The following ASIC2 variants were observed in gnomAD, a reference collection of about 807,000 sequenced individuals.
ASIC2 encodes acid-sensing ion channel 2.
A neutral mutation model predicts 57.3 loss-of-function variants in ASIC2; 25 were observed. The ratio of observed to expected loss-of-function variants is 0.44; its 90% CI spans 0.32 to 0.61. ASIC2 has a LOEUF of 0.61. ASIC2 is among the 20% of genes least tolerant of loss of function. ASIC2 has a pLI of 0.06. For synonymous variants in ASIC2, 319 were observed against 307.5 expected, an observed-to-expected ratio of 1.04 and a Z score of -0.39; for missense variants, 641 against 738.1, an observed-to-expected ratio of 0.87 and a Z score of 1.52.
intron 1 of ASIC2, among the ~76,000 whole-genome samples, chr17:33,234,547 T>C (rs1417858770): frequency 6.6e-6 from 1 of 152,226 alleles, no homozygotes; most frequent in Non-Finnish European, 1.5e-5. Flanking sequence ...ATGCTAATTG[T>C]CTTGCAGTTC....
At chr17:33,997,095 G>A (rs1195425267) in intron 1 of ASIC2, among the ~76,000 whole-genome samples, 1 of 151,760 alleles carries the variant, frequency 6.6e-6, no homozygotes, top group African/African-American at 2.4e-5. Context: ...CTAAGTATTT[G>A]TTATGCTATT....
intron 1 of ASIC2, among the ~76,000 whole-genome samples, chr17:33,965,992 A>T (rs1365111914): frequency 2.0e-5 from 3 of 152,238 alleles, no homozygotes; most frequent in African/African-American, 7.2e-5. Flanking sequence ...TGCTGGAAAG[A>T]TGCCAGCCTG....
chr17:33,952,149 A>G (rs1243139479), intron 1 of ASIC2, among the ~76,000 whole-genome samples: 1 of 152,228 alleles, frequency 6.6e-6, no homozygotes, highest in Non-Finnish European at 1.5e-5. Flanking sequence ...AGAATGAGAG[A>G]GAGGAGAGGA....
At chr17:33,097,364 T>C (rs1217749131) in intron 2 of ASIC2, among the ~76,000 whole-genome samples, 1 of 152,256 alleles carries the variant, frequency 6.6e-6, no homozygotes, top group East Asian at 1.9e-4. Context: ...CATTTCATTT[T>C]ATTTTTTTAC....
chr17:33,619,936 G>A (rs7212281), intron 1 of ASIC2, among the ~76,000 whole-genome samples: 6,267 of 152,180 alleles, frequency 0.041, 418 homozygotes, highest in African/African-American at 0.14. Flanking sequence ...AGAAAGCCGT[G>A]CAATGCAGAC....
At chr17:33,194,449 C>T (rs1906547421) in intron 1 of ASIC2, among the ~76,000 whole-genome samples, 1 of 152,200 alleles carries the variant, frequency 6.6e-6, no homozygotes, top group Non-Finnish European at 1.5e-5. Context: ...AAATTGCTCA[C>T]TAAGCCGATA....
chr17:34,078,222 C>T (rs1909743492), intron 1 of ASIC2, among the ~76,000 whole-genome samples: 1 of 152,316 alleles, frequency 6.6e-6, no homozygotes, highest in African/African-American at 2.4e-5. Context: ...CTGCCTTTCT[C>T]TCTAAACAGT....
At chr17:33,089,259 T>A (rs1876468284) in intron 2 of ASIC2, among the ~76,000 whole-genome samples, 1 of 152,086 alleles carries the variant, frequency 6.6e-6, no homozygotes, top group African/African-American at 2.4e-5. Context: ...ATCACAGAGG[T>A]TCCTATGAAA....
At chr17:33,997,720 A>G (rs911428336) in intron 1 of ASIC2, among the ~76,000 whole-genome samples, 1 of 151,364 alleles carries the variant, frequency 6.6e-6, no homozygotes, top group Non-Finnish European at 1.5e-5. Context: ...CTAGGGATAA[A>G]TCCCACTGGA....
chr17:33,923,948 C>T (rs1253330966), intron 1 of ASIC2, among the ~76,000 whole-genome samples: 2 of 152,170 alleles, frequency 1.3e-5, no homozygotes, highest in East Asian at 1.9e-4. Context: ...AAGAGAGCCC[C>T]GGACTCACAG....
At chr17:33,865,327 C>T (rs554919615) in intron 1 of ASIC2, among the ~76,000 whole-genome samples, 4 of 152,314 alleles carry the variant, frequency 2.6e-5, no homozygotes, top group South Asian at 2.1e-4. Context: ...GGCAGAATTA[C>T]GACCCTGTTT....
At chr17:33,639,284 A>C (rs1037273428) in intron 1 of ASIC2, among the ~76,000 whole-genome samples, 1 of 152,140 alleles carries the variant, frequency 6.6e-6, no homozygotes, top group Non-Finnish European at 1.5e-5. Context: ...TTATTGAGAA[A>C]TGTGACCAGA....
intron 1 of ASIC2, among the ~76,000 whole-genome samples, chr17:34,062,281 C>CA (rs1377501941): frequency 6.6e-6 from 1 of 152,060 alleles, no homozygotes; most frequent in Non-Finnish European, 1.5e-5. Flanking sequence ...AGCACTGGAT[C>CA]AAAAACAAAA....
At chr17:33,313,939 C>T (rs1789173533) in intron 1 of ASIC2, among the ~76,000 whole-genome samples, 1 of 151,772 alleles carries the variant, frequency 6.6e-6, no homozygotes, top group Admixed American at 6.6e-5. Context: ...CATTGGTGAC[C>T]CCCTTCTTCA....
chr17:34,044,133 C>A (rs1597990918), intron 1 of ASIC2, among the ~76,000 whole-genome samples: 1 of 129,116 alleles, frequency 7.7e-6, no homozygotes, highest in East Asian at 2.0e-4. Context: ...CACGCACGCA[C>A]ACACACACAC....
chr17:33,577,378 A>T (rs1396454221), intron 1 of ASIC2, among the ~76,000 whole-genome samples: 1 of 152,126 alleles, frequency 6.6e-6, no homozygotes, highest in African/African-American at 2.4e-5. Flanking sequence ...TCTGGAAGGG[A>T]ATCTCCAGGG....
chr17:34,130,868 C>T (rs1234677572), intron 1 of ASIC2, among the ~76,000 whole-genome samples: 12 of 152,194 alleles, frequency 7.9e-5, no homozygotes, highest in African/African-American at 2.9e-4. Context: ...ATTATACGGC[C>T]ACTCTGATGC....
intron 1 of ASIC2, among the ~76,000 whole-genome samples, chr17:33,582,737 T>C (rs1904484777): frequency 6.6e-6 from 1 of 152,170 alleles, no homozygotes; most frequent in Non-Finnish European, 1.5e-5. Flanking sequence ...AGGTACTCGA[T>C]TGGTCTCCAC....
chr17:33,078,284 G>A (rs376088319), intron 3 of ASIC2, among the ~76,000 whole-genome samples: 3 of 152,130 alleles, frequency 2.0e-5, no homozygotes, highest in Non-Finnish European at 2.9e-5. Context: ...GCTAGTGAGG[G>A]TGGGCACCAC....
Sources: allele counts gnomAD v4.1 joint callset (sites outside exome capture counted in the v4.1 genomes callset), GRCh38; gene constraint gnomAD v4.1.1; transcripts MANE v1.5; gene names NCBI Gene and HGNC (gene_info 2026-07-23, HGNC 2026-07-21).